TANGO6: variants seen among roughly 807,000 people sequenced by gnomAD.
The protein encoded by TANGO6 is transport and Golgi organization protein 6 homolog.
A neutral mutation model predicts 114.2 loss-of-function variants in TANGO6; 90 were observed. The ratio of observed to expected loss-of-function variants is 0.79; its 90% confidence interval spans 0.66 to 0.94. The LOEUF (loss-of-function observed/expected upper bound fraction) is 0.94, where lower values mean the gene tolerates loss of function less well. Ranked by LOEUF, TANGO6 falls within the 40% of genes least tolerant of loss-of-function variation. TANGO6 has a pLI of 0.00. For missense variants in TANGO6, 1,274 were observed against 1,315.3 expected, an observed-to-expected ratio of 0.97 and a Z score of 0.49; for synonymous variants, 477 against 509.8, an observed-to-expected ratio of 0.94 and a Z score of 0.87.
At chr16:69,014,900 AAAAAAAAAAAAG>A in intron 15 of TANGO6, among the ~76,000 whole-genome samples, 1 of 151,796 alleles carries the variant, frequency 6.6e-6, no homozygotes. Context: ...TGTCTCAAAA[AAAAAAAAAAAAG>A]AAAAAGAAAA....
intron 17 of TANGO6, among the ~76,000 whole-genome samples, chr16:69,066,964 A>G: frequency 6.6e-6 from 1 of 152,058 alleles, no homozygotes; most frequent in South Asian, 2.1e-4. Flanking sequence ...TGGTGCAATC[A>G]CGGCTCAGTA....
intron 17 of TANGO6, 38 bp downstream of exon 17, chr16:69,040,459 C>T: frequency 6.7e-7 from 1 of 1,495,946 alleles, no homozygotes; most frequent in Non-Finnish European, 9.1e-7. Flanking sequence ...TTCTCCACCT[C>T]TTTTATTTGT....
intron 14 of TANGO6, chr16:68,972,972 AG>A: frequency 3.1e-6 from 1 of 326,770 alleles, no homozygotes; most frequent in Non-Finnish European, 6.0e-6. Flanking sequence ...GAGGCCAGGA[AG>A]CAAGGGAGAG....
chr16:69,010,432 C>T lies in TANGO6; in HGVS notation c.2843-12396C>T, dbSNP rs372017031. On this transcript the variant is annotated intron_variant, in intron 15 of 17. Coordinates refer to ENST00000261778, the MANE Select transcript of TANGO6 (RefSeq NM_024562.2). ...TTTACATCTTTAATTTCACACCCTC[C>T]ATGATTTGACACCGCCTGTTTCTGA... is the stretch of plus-strand genomic sequence containing the variant. Among the ~76,000 whole-genome samples, 34 of 152,256 alleles carry T rather than the reference C, an allele frequency of 2.2e-4. No individual in the cohort carries two copies. In the South Asian group the frequency reaches 6.9e-3, roughly 31 times the overall value.
intron 7 of TANGO6, among the ~76,000 whole-genome samples, chr16:68,896,742 T>C (rs1418381075): frequency 6.6e-6 from 1 of 152,156 alleles, no homozygotes; most frequent in East Asian, 1.9e-4. Context: ...GGAGAGGCCA[T>C]TGACATTCTT....
At chr16:68,871,673 G>A (rs770975020) in intron 4 of TANGO6, among the ~76,000 whole-genome samples, 15 of 152,044 alleles carry the variant, frequency 9.9e-5, no homozygotes, top group Admixed American at 2.6e-4. Flanking sequence ...AGGCTGGAGT[G>A]CAGTGGCATG....
chr16:68,929,502 G>A (rs1483348393), intron 13 of TANGO6, among the ~76,000 whole-genome samples: 3 of 152,138 alleles, frequency 2.0e-5, no homozygotes, highest in African/African-American at 7.2e-5. Context: ...TTCACATGTA[G>A]AGACCAGCAG....
intron 14 of TANGO6, among the ~76,000 whole-genome samples, chr16:68,962,634 G>A (rs1462090550): frequency 6.6e-6 from 1 of 152,206 alleles, no homozygotes; most frequent in East Asian, 1.9e-4. Context: ...GGTAGTGCAT[G>A]CCTATAATCC....
At position 68,938,383 on chromosome 16, in the gene TANGO6, CTT is replaced by C. The variant is rs780684402; in HGVS notation, c.2701+8089_2701+8090del. ...AGTGACAGCAGTGGGTAAAATGAGTCTTAGAGTCACAGTAGGTTTGTTTCAGT... is the reference window on the plus strand; with the variant it reads ...AGTGACAGCAGTGGGTAAAATGAGTCAGAGTCACAGTAGGTTTGTTTCAGT... On this transcript the variant is annotated intron_variant, in intron 14 of 17. Transcript: ENST00000261778. 7.6e-4 allele frequency among the ~76,000 whole-genome samples: 116 copies of C among 152,222 alleles called. 1 individual carries two copies. Among genetic ancestry groups the C allele is most frequent in the Non-Finnish European group, 1.4e-3 (96 of 68,018 alleles).
chr16:68,937,687 T>G (rs903821133), intron 14 of TANGO6: 1 of 152,204 alleles, frequency 6.6e-6, no homozygotes, highest in African/African-American at 2.4e-5. Flanking sequence ...ATAATGTTTT[T>G]GAGGTTTGAG....
chr16:68,870,486 A>G (rs2152164204), intron 4 of TANGO6, among the ~76,000 whole-genome samples: 1 of 152,316 alleles, frequency 6.6e-6, no homozygotes, highest in Non-Finnish European at 1.5e-5. Context: ...CCTTACAAAC[A>G]GGTCTTTGCA....
intron 1 of TANGO6, among the ~76,000 whole-genome samples, chr16:68,858,931 C>T (rs1001942668): frequency 2.0e-5 from 3 of 152,144 alleles, no homozygotes; most frequent in African/African-American, 7.2e-5. Flanking sequence ...TTTAGAAGTA[C>T]ATTGTTTAAT....
chr16:68,985,518 T>C (rs372024806), intron 15 of TANGO6, among the ~76,000 whole-genome samples: 2 of 152,232 alleles, frequency 1.3e-5, no homozygotes, highest in Admixed American at 1.3e-4. Flanking sequence ...AAGACCAGCC[T>C]GGACAACATG....
intron 15 of TANGO6, among the ~76,000 whole-genome samples, chr16:68,984,507 C>A (rs929820432): frequency 6.6e-6 from 1 of 151,506 alleles, no homozygotes; most frequent in African/African-American, 2.4e-5. Flanking sequence ...ATACTTCCTA[C>A]TTATATTAGA....
At chr16:69,016,417 T>C (rs1959298940) in intron 15 of TANGO6, among the ~76,000 whole-genome samples, 1 of 152,064 alleles carries the variant, frequency 6.6e-6, no homozygotes. Context: ...AAAAAAGATT[T>C]GCCGGATGAA....
intron 15 of TANGO6, among the ~76,000 whole-genome samples, chr16:68,975,990 A>G (rs1489090637): frequency 6.6e-6 from 1 of 152,076 alleles, no homozygotes; most frequent in African/African-American, 2.4e-5. Context: ...ATTGGAGTTC[A>G]TTGGCACGGT....
chr16:69,037,290 C>T (rs560739979), intron 16 of TANGO6, among the ~76,000 whole-genome samples: 8 of 152,238 alleles, frequency 5.3e-5, no homozygotes, highest in Admixed American at 2.0e-4. Context: ...AAGCATGACC[C>T]GCTCAGCAAA....
At chr16:68,871,042 C>T (rs1413971187) in intron 4 of TANGO6, among the ~76,000 whole-genome samples, 2 of 151,702 alleles carry the variant, frequency 1.3e-5, no homozygotes, top group African/African-American at 2.4e-5. Context: ...CCACCTGCCT[C>T]GGCCTCCCAA....
intron 14 of TANGO6, among the ~76,000 whole-genome samples, chr16:68,958,489 C>CA (rs71383945): frequency 0.14 from 5,769 of 42,060 alleles, 245 homozygotes; most frequent in Non-Finnish European, 0.19. Context: ...AACTCTGTCT[C>CA]AAAAAAAAAA....
Sources: gnomAD v4.1 joint callset for allele counts (sites outside exome capture counted in the v4.1 genomes callset) on GRCh38, gnomAD v4.1.1 for gene constraint, MANE v1.5 for transcripts, NCBI Gene and HGNC (gene_info 2026-07-23, HGNC 2026-07-21) for gene names.